TSGA10: variants seen among roughly 807,000 people sequenced by gnomAD.
The protein encoded by TSGA10 is testis-specific gene 10 protein.
Under a neutral mutation model 96.6 loss-of-function variants are expected in TSGA10, and 43 were observed. That is an observed-to-expected ratio of 0.44 (90% CI 0.35 to 0.57). The LOEUF (loss-of-function observed/expected upper bound fraction) is 0.57, where lower values mean the gene tolerates loss of function less well. TSGA10 is among the 20% of genes least tolerant of loss of function. The pLI is 0.01. For missense variants in TSGA10, 703 were observed against 834.4 expected (o/e 0.84, Z 1.94); for synonymous variants, 229 against 269.9 (o/e 0.85, Z 1.48).
intron 10 of TSGA10, among the ~76,000 whole-genome samples, chr2:99,091,510 T>A (rs2089330549): frequency 6.6e-6 from 1 of 152,112 alleles, no homozygotes; most frequent in Non-Finnish European, 1.5e-5. Flanking sequence ...AGATACAGAA[T>A]GGCAGAATTG....
intron 1 of TSGA10, chr2:99,154,388 C>T (rs916107629): frequency 5.9e-5 from 9 of 152,262 alleles, no homozygotes; most frequent in African/African-American, 2.2e-4. Context: ...GATCAGTAGC[C>T]TCAGTGTGTT....
chr2:99,034,167 T>A (rs2081390108), intron 17 of TSGA10, among the ~76,000 whole-genome samples: 1 of 151,960 alleles, frequency 6.6e-6, no homozygotes, highest in Non-Finnish European at 1.5e-5. Flanking sequence ...CAACTTCAAA[T>A]CTCCATACAT....
Position 99,154,178 on chromosome 2 carries a change from T to C in TSGA10, c.-621+515A>G, listed in dbSNP as rs142140665. The C allele has an allele frequency of 7.3e-3, 1,107 of 152,400 alleles. 3 individuals are homozygous for C. Among genetic ancestry groups the C allele is most frequent in the Non-Finnish European group, 0.012 (805 of 68,056 alleles). The allele number at this position is 152,400 out of a possible 1,614,324, so 9.4% of individuals were successfully genotyped here. A position where few individuals can be genotyped will look rare whatever the true frequency, so the allele number is the denominator to read the frequency against. ...CCAACCTGTGCTGAATGAAGCCACA[T>C]GAATATGCCCAGGAGAAACTAGCAG... On this transcript the variant is annotated intron_variant, in intron 1 of 20. Coordinates refer to ENST00000393483, the MANE Select transcript of TSGA10 (RefSeq NM_025244.4).
chr2:99,079,667 G>C (rs2087187462), intron 11 of TSGA10, among the ~76,000 whole-genome samples: 1 of 152,114 alleles, frequency 6.6e-6, no homozygotes, highest in African/African-American at 2.4e-5. Flanking sequence ...AAAAGCTCTG[G>C]TTCTAGCCTA....
rs192370977 is a variant in TSGA10, at chr2:99,133,693, C to T, written c.-620-6517G>A. On this transcript the variant is annotated intron_variant, in intron 1 of 20. Transcript: ENST00000393483. ...TTCTTCATAGTGTTGATGGTCTTTA[C>T]AATTTGGTATGTTTTTGCAGTGGCT... is the stretch of plus-strand genomic sequence containing the variant. Among the ~76,000 whole-genome samples, 180 of 152,274 alleles carry T rather than the reference C, an allele frequency of 1.2e-3. 1 individual carries two copies. Among genetic ancestry groups the T allele is most frequent in the African/African-American group, 4.1e-3 (171 of 41,550 alleles).
intron 14 of TSGA10, among the ~76,000 whole-genome samples, chr2:99,071,201 G>A (rs941838983): frequency 1.3e-4 from 20 of 152,056 alleles, no homozygotes; most frequent in Admixed American, 9.2e-4. Flanking sequence ...AAATGTTCAC[G>A]TTAAAATAAA....
intron 16 of TSGA10, among the ~76,000 whole-genome samples, chr2:99,059,670 A>C (rs2084446227): frequency 6.6e-6 from 1 of 150,586 alleles, no homozygotes; most frequent in Admixed American, 6.6e-5. Flanking sequence ...CTTTAAGTAA[A>C]CTTGTAAGAC....
At chr2:99,096,282 G>C (rs2090025072) in intron 10 of TSGA10, among the ~76,000 whole-genome samples, 1 of 152,190 alleles carries the variant, frequency 6.6e-6, no homozygotes, top group African/African-American at 2.4e-5. Context: ...TACAGAGCAA[G>C]CATGTTTTTT....
intron 1 of TSGA10, among the ~76,000 whole-genome samples, chr2:99,143,305 C>CT (rs11392712): frequency 0.15 from 22,051 of 149,400 alleles, 1,858 homozygotes; most frequent in Middle Eastern, 0.29. Context: ...CTACGCCCAG[C>CT]TTTTTTTTTG....
chr2:99,016,497 A>G (rs908278842), intron 20 of TSGA10, among the ~76,000 whole-genome samples: 4 of 152,194 alleles, frequency 2.6e-5, no homozygotes, highest in African/African-American at 9.6e-5. Flanking sequence ...AATCAACTCA[A>G]GATGATCAAA....
chr2:99,069,554 G>A (rs1049497495), intron 14 of TSGA10, among the ~76,000 whole-genome samples: 9 of 151,648 alleles, frequency 5.9e-5, no homozygotes, highest in African/African-American at 2.2e-4. Context: ...TGTTTTTCCT[G>A]TAATCCTGGC....
At chr2:99,087,215 A>AG (rs1553470163) in intron 10 of TSGA10, among the ~76,000 whole-genome samples, 1 of 151,164 alleles carries the variant, frequency 6.6e-6, no homozygotes, top group Non-Finnish European at 1.5e-5. Context: ...AAAAAAAAAA[A>AG]TTTTTTTTAG....
chr2:99,015,352 A>G (rs574059335), intron 20 of TSGA10, among the ~76,000 whole-genome samples: 3 of 152,216 alleles, frequency 2.0e-5, no homozygotes, highest in African/African-American at 2.4e-5. Context: ...AAGTCAAAAA[A>G]TGTGACAGAT....
At chr2:99,077,699 T>C (rs374127928) in intron 12 of TSGA10, among the ~76,000 whole-genome samples, 12 of 152,018 alleles carry the variant, frequency 7.9e-5, no homozygotes, top group African/African-American at 2.9e-4. Context: ...GGAGCTGTGA[T>C]TACAGGTGCC....
At chr2:99,014,644 G>A (rs1558725377) in intron 20 of TSGA10, among the ~76,000 whole-genome samples, 1 of 150,296 alleles carries the variant, frequency 6.7e-6, no homozygotes, top group Non-Finnish European at 1.5e-5. Context: ...ACAAAGATCA[G>A]AGCAGAATTA....
intron 16 of TSGA10, among the ~76,000 whole-genome samples, chr2:99,055,851 T>G (rs1418464343): frequency 3.0e-5 from 3 of 98,852 alleles, no homozygotes; most frequent in East Asian, 5.2e-4. Flanking sequence ...AGACCCTGTA[T>G]CCAATTAACA....
chr2:99,080,609 T>C (rs1419948657), intron 11 of TSGA10, among the ~76,000 whole-genome samples: 1 of 152,208 alleles, frequency 6.6e-6, no homozygotes. Context: ...TTTATATTTC[T>C]GTTTTAATAT....
chr2:99,028,044 C>T (rs907198880), intron 17 of TSGA10, among the ~76,000 whole-genome samples: 2 of 152,112 alleles, frequency 1.3e-5, no homozygotes, highest in African/African-American at 2.4e-5. Context: ...ATAGTTACCC[C>T]GATCCCTTCC....
intron 10 of TSGA10, among the ~76,000 whole-genome samples, chr2:99,086,835 T>TA (rs2088476033): frequency 6.6e-6 from 1 of 151,712 alleles, no homozygotes; most frequent in African/African-American, 2.4e-5. Context: ...GGAAATCCTA[T>TA]AAAATCTACC....
Sources: allele counts gnomAD v4.1 joint callset (sites outside exome capture counted in the v4.1 genomes callset), GRCh38; gene constraint gnomAD v4.1.1; transcripts MANE v1.5; gene names NCBI Gene and HGNC (gene_info 2026-07-23, HGNC 2026-07-21).